DYNLL1: variants seen among roughly 807,000 people sequenced by gnomAD.
DYNLL1 encodes the protein dynein light chain LC8-type 1.
In DYNLL1, 3 loss-of-function variants were observed where a neutral mutation model predicts 10.1. The ratio of observed to expected loss-of-function variants is 0.30; its 90% CI spans 0.14 to 0.77. The LOEUF is 0.77. Among genes scored for constraint, DYNLL1 ranks in the 30% least tolerant of loss-of-function variants. The probability of loss-of-function intolerance (pLI) is 0.66; values close to 1 mark genes in which losing one functional copy is unlikely to be tolerated. For synonymous variants in DYNLL1, 46 were observed against 41.2 expected, an observed-to-expected ratio of 1.12 and a Z score of -0.45; for missense variants, 47 against 111.7, an observed-to-expected ratio of 0.42 and a Z score of 2.61.
chr12:120,490,237 G>A (rs1328087548), intron 1 of DYNLL1: 3 of 152,224 alleles, frequency 2.0e-5, no homozygotes, highest in Non-Finnish European at 2.9e-5. Flanking sequence ...AGTCATAAAT[G>A]AAGGGCTAAA....
chr12:120,472,285 A>T (rs1438236179), intron 1 of DYNLL1, among the ~76,000 whole-genome samples: 1 of 152,222 alleles, frequency 6.6e-6, no homozygotes, highest in East Asian at 1.9e-4. Context: ...CTCAAATTGT[A>T]ATTAGCATGC....
At chr12:120,470,423 G>A (rs945885674) in intron 1 of DYNLL1, among the ~76,000 whole-genome samples, 3 of 152,044 alleles carry the variant, frequency 2.0e-5, no homozygotes, top group African/African-American at 7.2e-5. Context: ...CCAGAACGCG[G>A]AGCATTGAAC....
intron 1 of DYNLL1, among the ~76,000 whole-genome samples, chr12:120,482,973 C>T (rs1045292177): frequency 4.6e-5 from 7 of 151,738 alleles, no homozygotes; most frequent in African/African-American, 1.5e-4. Context: ...CCCAGCTACT[C>T]GAGAGGCTGA....
chr12:120,479,831 TGA>T (rs1466265567), intron 1 of DYNLL1, among the ~76,000 whole-genome samples: 1 of 152,148 alleles, frequency 6.6e-6, no homozygotes, highest in East Asian at 1.9e-4. Flanking sequence ...CTACTTACAG[TGA>T]GATGCCCTAA....
chr12:120,474,442 TAAAAAAA>T (rs11355698), intron 1 of DYNLL1, among the ~76,000 whole-genome samples: 4 of 142,776 alleles, frequency 2.8e-5, no homozygotes, highest in African/African-American at 2.6e-5. Context: ...AAAAACAACA[TAAAAAAA>T]AAAAAAAATC....
intron 1 of DYNLL1, among the ~76,000 whole-genome samples, chr12:120,488,942 T>C (rs977063741): frequency 2.6e-5 from 4 of 151,958 alleles, no homozygotes; most frequent in Admixed American, 1.3e-4. Flanking sequence ...AAAAAAGGAC[T>C]AAGTGACTAA....
At chr12:120,476,936 G>GT (rs551127196) in intron 1 of DYNLL1, among the ~76,000 whole-genome samples, 17,219 of 143,478 alleles carry the variant, frequency 0.12, 1,103 homozygotes, top group Middle Eastern at 0.18. Context: ...TGTTTTTTTT[G>GT]TTTTTTTTTT....
At chr12:120,489,126 G>A (rs1879063556) in intron 1 of DYNLL1, among the ~76,000 whole-genome samples, 2 of 152,002 alleles carry the variant, frequency 1.3e-5, no homozygotes, top group African/African-American at 4.8e-5. Context: ...ATTGCTAGCT[G>A]AATAAGCATT....
upstream of DYNLL1, among the ~76,000 whole-genome samples, chr12:120,494,079 G>A (rs1323963998): frequency 6.6e-6 from 1 of 152,050 alleles, no homozygotes; most frequent in Non-Finnish European, 1.5e-5. Context: ...ACTTAGTGGA[G>A]TCACCGTGGC....
intron 1 of DYNLL1, among the ~76,000 whole-genome samples, chr12:120,484,232 C>T (rs564349442): frequency 2.0e-5 from 3 of 151,742 alleles, no homozygotes; most frequent in South Asian, 4.2e-4. Context: ...GGAGAAGAGA[C>T]AATCACAGGA....
intron 1 of DYNLL1, among the ~76,000 whole-genome samples, chr12:120,489,597 T>C (rs552675457): frequency 1.2e-4 from 18 of 152,284 alleles, no homozygotes; most frequent in Admixed American, 6.5e-4. Context: ...CCCACCTCTC[T>C]CGCTGCTCCC....
upstream of DYNLL1, among the ~76,000 whole-genome samples, chr12:120,492,349 CCTGAAGT>C (rs1230304643): frequency 6.6e-6 from 1 of 152,076 alleles, no homozygotes; most frequent in Non-Finnish European, 1.5e-5. This position sits in a 1 kb window ranked among gnomAD's most constrained non-coding sequence, Gnocchi z 4.1. Context: ...GGGTGGATCA[CCTGAAGT>C]CTGGAGTTCG....
intron 1 of DYNLL1, among the ~76,000 whole-genome samples, chr12:120,470,815 C>T (rs954971994): frequency 6.6e-6 from 1 of 151,928 alleles, no homozygotes; most frequent in Admixed American, 6.6e-5. Flanking sequence ...GAGGCCAAGG[C>T]GGGAGGATCA....
intron 1 of DYNLL1, among the ~76,000 whole-genome samples, chr12:120,477,562 G>T (rs1207921334): frequency 6.6e-6 from 1 of 151,782 alleles, no homozygotes; most frequent in Non-Finnish European, 1.5e-5. Flanking sequence ...ACCAGCCTAG[G>T]AAACCTAGTA....
In DYNLL1 at chr12:120,496,294, C is replaced by T. The variant is rs1437042905; in HGVS notation, c.-7+78C>T. On this transcript the variant is annotated intron_variant, in intron 1 of 2. Coordinates refer to ENST00000242577, the MANE Select transcript of DYNLL1 (RefSeq NM_003746.3). ...TCCGGACTTAGCCCTCCGCGTAGCC[C>T]GCGCTTCCTGAGAAGTGGGGTGGGG... is the stretch of plus-strand genomic sequence containing the variant. 10 of 1,421,198 alleles carry T rather than the reference C, an allele frequency of 7.0e-6. No homozygotes were observed. The East Asian group carries it at 2.2e-4, about 32-fold the overall frequency. 88.0% of individuals were successfully genotyped at this position (1,421,198 alleles called of 1,614,324 possible). A position where few individuals can be genotyped will look rare whatever the true frequency, so the allele number is the denominator to read the frequency against.
At chr12:120,477,976 G>C (rs1878793548) in intron 1 of DYNLL1, among the ~76,000 whole-genome samples, 1 of 151,774 alleles carries the variant, frequency 6.6e-6, no homozygotes, top group Non-Finnish European at 1.5e-5. Flanking sequence ...ATTTTTAGTA[G>C]GGACAGGGTT....
Position 120,498,441 on chromosome 12 carries a change from G to A in DYNLL1, c.*231G>A, listed in dbSNP as rs977774175. 9.2e-6 allele frequency: 4 copies of A among 432,622 alleles called. No homozygotes were observed. Among genetic ancestry groups the A allele is most frequent in the South Asian group, 5.4e-5 (1 of 18,510 alleles). 26.8% of individuals were successfully genotyped at this position (432,622 alleles called of 1,614,324 possible). A position where few individuals can be genotyped will look rare whatever the true frequency, so the allele number is the denominator to read the frequency against. On this transcript the variant is annotated 3_prime_UTR_variant, in exon 3 of 3. Transcript: ENST00000242577. ...TTTTCTATTCCATACTTCTGCCCAC[G>A]TTGTTTTCTCTCAAAATCCATTCCT...
chr12:120,488,286 A>T (rs1048705594), intron 1 of DYNLL1: 1 of 152,150 alleles, frequency 6.6e-6, no homozygotes, highest in Non-Finnish European at 1.5e-5. Flanking sequence ...GCCTTTGAAC[A>T]TGCTGTTCTT....
At chr12:120,472,453 C>A (rs1023020732) in intron 1 of DYNLL1, among the ~76,000 whole-genome samples, 1 of 152,118 alleles carries the variant, frequency 6.6e-6, no homozygotes, top group African/African-American at 2.4e-5. Flanking sequence ...AAGTGTGCAG[C>A]CTTATAGGAG....
Sources: gnomAD v4.1 joint callset for allele counts (sites outside exome capture counted in the v4.1 genomes callset) on GRCh38, gnomAD v4.1.1 for gene constraint, Gnocchi (gnomAD v3.1) non-coding constraint, MANE v1.5 for transcripts, NCBI Gene and HGNC (gene_info 2026-07-23, HGNC 2026-07-21) for gene names.